The following ACVR2B variants were observed in gnomAD, a reference collection of about 807,000 sequenced individuals.
The protein encoded by ACVR2B is activin A receptor type 2B.
Under a neutral mutation model 65.1 loss-of-function variants are expected in ACVR2B, and 18 were observed. The ratio of observed to expected loss-of-function variants is 0.28; its 90% CI spans 0.19 to 0.41. ACVR2B has a LOEUF of 0.41. ACVR2B is among the 10% of genes least tolerant of loss of function. The pLI is 1.00. For missense variants in ACVR2B, 482 were observed against 682.7 expected, an observed-to-expected ratio of 0.71 and a Z score of 3.28; for synonymous variants, 298 against 277.7, an observed-to-expected ratio of 1.07 and a Z score of -0.73.
At position 38,485,509 on chromosome 3, in the gene ACVR2B, G is replaced by A. The variant is rs1710102849; in HGVS notation, c.*2177G>A. 2 of 152,088 alleles carry A rather than the reference G, an allele frequency of 1.3e-5. No homozygotes were observed. The highest frequency in any genetic ancestry group is 1.3e-4 in the Admixed American group (2 of 15,264). 9.4% of individuals were successfully genotyped at this position (152,088 alleles called of 1,614,324 possible). A position where few individuals can be genotyped will look rare whatever the true frequency, so the allele number is the denominator to read the frequency against. Reference sequence around the variant, plus strand: ...CTAGTGTGCTATGTTCAGTGTCTGGGGCTTACTGCCCCGGGGTCCTTTCCT... The same window carrying A: ...CTAGTGTGCTATGTTCAGTGTCTGGAGCTTACTGCCCCGGGGTCCTTTCCT... On this transcript the variant is annotated 3_prime_UTR_variant, in exon 11 of 11. Coordinates refer to ENST00000352511, the MANE Select transcript of ACVR2B (RefSeq NM_001106.4).
Position 38,487,570 on chromosome 3 carries a change from G to T in ACVR2B, c.*4238G>T, listed in dbSNP as rs961880390. 1 of 152,294 alleles carries T rather than the reference G, an allele frequency of 6.6e-6. No homozygotes were observed. The highest frequency in any genetic ancestry group is 1.5e-5 in the Non-Finnish European group (1 of 68,096). 9.4% of individuals were successfully genotyped at this position (152,294 alleles called of 1,614,324 possible). A position where few individuals can be genotyped will look rare whatever the true frequency, so the allele number is the denominator to read the frequency against. On this transcript the variant is annotated 3_prime_UTR_variant, in exon 11 of 11. Coordinates refer to ENST00000352511, the MANE Select transcript of ACVR2B (RefSeq NM_001106.4). ...ATTGAATGTCCTTCATGTGTTGTGT[G>T]TGGCTCAGAAAGCCTGTCACTTGGC...
intron 1 of ACVR2B, among the ~76,000 whole-genome samples, chr3:38,470,164 G>A (rs1030417742): frequency 2.6e-5 from 4 of 152,102 alleles, no homozygotes; most frequent in African/African-American, 9.7e-5. Flanking sequence ...AGAATTTGGA[G>A]ATGCAATATT....
Position 38,477,428 on chromosome 3 carries a change from A to G in ACVR2B, c.194A>G (p.Asn65Ser), listed in dbSNP as rs758919898. The G allele has an allele frequency of 6.2e-7, 1 of 1,614,182 alleles. No homozygotes were observed. The highest frequency in any genetic ancestry group is 8.5e-7 in the Non-Finnish European group (1 of 1,180,014). ...KRLHCYASWR[N>S]SSGTIELVKK... ...CTGCACTGCTACGCCTCCTGGCGCA[A>G]CAGCTCTGGCACCATCGAGCTCGTG... is the stretch of plus-strand genomic sequence containing the variant. The change falls in exon 2 of 11, where the codon AAC becomes AGC. Residue 65 changes from asparagine (N) to serine (S), a missense_variant. Physicochemically the swap from Asn to Ser is conservative, Grantham distance 46. Coordinates refer to ENST00000352511, the MANE Select transcript of ACVR2B (RefSeq NM_001106.4). The surrounding 1 kb of genome is among the most constrained non-coding windows in gnomAD (Gnocchi z 6.7).
chr3:38,461,303 A>G (rs1437036468), intron 1 of ACVR2B, among the ~76,000 whole-genome samples: 2 of 152,038 alleles, frequency 1.3e-5, no homozygotes, highest in Non-Finnish European at 2.9e-5. Flanking sequence ...TATTTTATGC[A>G]CTTTTTGGGA....
At position 38,483,164 on chromosome 3, in the gene ACVR2B, C is replaced by T. The variant is rs370692737; in HGVS notation, c.1371C>T (p.Ile457=). The part of the protein sequence containing the change: ...HPGLAQLCVT[I]EECWDHDAEA... ...GCCTGGCCCAGCTTTGTGTGACCAT[C>T]GAGGAGTGCTGGGACCATGATGCAG... Residue 457 remains isoleucine (I), a synonymous_variant, in exon 11 of 11, where the codon ATC becomes ATT. Transcript: ENST00000352511. This position sits in a 1 kb window ranked among gnomAD's most constrained non-coding sequence, Gnocchi z 4.8. 32 of 1,614,040 alleles carry T rather than the reference C, an allele frequency of 2.0e-5. No individual in the cohort carries two copies. Among genetic ancestry groups the T allele is most frequent in the Middle Eastern group, 1.6e-4 (1 of 6,084 alleles).
At position 38,481,152 on chromosome 3, in the gene ACVR2B, T is replaced by C. The variant is rs902822910; in HGVS notation, c.960-199T>C. On this transcript the variant is annotated intron_variant, in intron 7 of 10. Transcript: ENST00000352511. This position sits in a 1 kb window ranked among gnomAD's most constrained non-coding sequence, Gnocchi z 4.7. ...CCAACCCTGGGGGAAGCCTTCCATC[T>C]GAAGTGCACTGAGGGATTCTCACAC... Among the ~76,000 whole-genome samples, 25 of 152,158 alleles carry C rather than the reference T, an allele frequency of 1.6e-4. No individual in the cohort carries two copies. The highest frequency in any genetic ancestry group is 5.8e-4 in the African/African-American group (24 of 41,444).
chr3:38,453,958 TCCCCCCGTTCATGGCC>T lies in ACVR2B; in HGVS notation c.-362_-347del, dbSNP rs1709494139. On this transcript the variant is annotated 5_prime_UTR_variant, in exon 1 of 11. The change abolishes an upstream ATG in the 5' untranslated region. Transcript: ENST00000352511. ...GTTCAGCTCCCCTCCCCCCCACCCCTCCCCCCGTTCATGGCCCCTCCGGACTCGGCCCCTGCGCCCG... is the reference window on the plus strand; with the variant it reads ...GTTCAGCTCCCCTCCCCCCCACCCCTCCTCCGGACTCGGCCCCTGCGCCCG... 1 of 41,826 alleles carries T rather than the reference TCCCCCCGTTCATGGCC, an allele frequency of 2.4e-5. No homozygotes were observed. Among genetic ancestry groups the T allele is most frequent in the African/African-American group, 9.1e-5 (1 of 11,028 alleles). 2.6% of individuals were successfully genotyped at this position (41,826 alleles called of 1,614,324 possible).
At chr3:38,459,792 C>T (rs1001011402) in intron 1 of ACVR2B, 28 of 492,332 alleles carry the variant, frequency 5.7e-5, no homozygotes, top group African/African-American at 5.4e-4. Context: ...GGCAGCGCTG[C>T]CTTAGACAGG....
chr3:38,458,156 ACTCT>A (rs1709581883), intron 1 of ACVR2B, among the ~76,000 whole-genome samples: 1 of 151,284 alleles, frequency 6.6e-6, no homozygotes, highest in African/African-American at 2.4e-5. Flanking sequence ...ACTGTGTACT[ACTCT>A]GTGGGTCTTT....
Position 38,480,454 on chromosome 3 carries a change from A to C in ACVR2B, c.959+628A>C, listed in dbSNP as rs372666995. On this transcript the variant is annotated intron_variant, in intron 7 of 10. Coordinates refer to ENST00000352511, the MANE Select transcript of ACVR2B (RefSeq NM_001106.4). ...AGTATCAATTCATTTGACCTTCATT[A>C]CCGCCCATTGAGACAAGTACTGTAT... Among the ~76,000 whole-genome samples the C allele has an allele frequency of 1.6e-4, 25 of 152,276 alleles. No homozygotes were observed. In the East Asian group the frequency reaches 3.1e-3, roughly 19 times the overall value.
chr3:38,482,218 G>A lies in ACVR2B; in HGVS notation c.1095G>A (p.Met365Ile). The A allele has an allele frequency of 6.2e-7, 1 of 1,613,710 alleles. No homozygotes were observed. ...CATAGGTAGGCACGAGACGGTACAT[G>A]GCTCCTGAGGTGCTCGAGGGAGCCA... is the stretch of plus-strand genomic sequence containing the variant. ...THGQVGTRRY[M>I]APEVLEGAIN... The change falls in exon 9 of 11, where the codon ATG (methionine) becomes ATA (isoleucine). Residue 365 changes from methionine (M) to isoleucine (I), a missense_variant. Met to Ile is a conservative substitution (Grantham distance 10, BLOSUM62 1). This residue lies in a region of ACVR2B where 223 missense variants were observed against 386.3 expected (regional missense o/e 0.58). Transcript: ENST00000352511.
At chr3:38,459,457 C>G (rs905109915) in intron 1 of ACVR2B, 1 of 295,064 alleles carries the variant, frequency 3.4e-6, no homozygotes, top group Non-Finnish European at 5.0e-6. Context: ...CAGGAAGTGC[C>G]TGTTGCTGGG....
At chr3:38,471,813 A>AT (rs1313778973) in intron 1 of ACVR2B, among the ~76,000 whole-genome samples, 1 of 152,180 alleles carries the variant, frequency 6.6e-6, no homozygotes, top group East Asian at 1.9e-4. Flanking sequence ...TATCGTGAGG[A>AT]TTAAATAAGT....
At position 38,490,705 on chromosome 3, in the gene ACVR2B, T is replaced by A. The variant is rs1710195869; in HGVS notation, c.*7373T>A. The stretch of plus-strand genomic sequence containing the variant: ...GAACCAGTTACCTCAGACCTCATGT[T>A]GAACAGTGTCGCCATCTGGGTCCTC... On this transcript the variant is annotated 3_prime_UTR_variant, in exon 11 of 11. Coordinates refer to ENST00000352511, the MANE Select transcript of ACVR2B (RefSeq NM_001106.4). 1 of 152,662 alleles carries A rather than the reference T, an allele frequency of 6.6e-6. No homozygotes were observed. The highest frequency in any genetic ancestry group is 1.5e-5 in the Non-Finnish European group (1 of 68,042). 9.5% of individuals were successfully genotyped at this position (152,662 alleles called of 1,614,324 possible).
rs1710122233 is a variant in ACVR2B at position 38,486,424 on chromosome 3, TGTC to T, written c.*3093_*3095del. ...GGGCCTTTTGCCCCGGGTAAATGCT[TGTC>T]TGTTTGCTGTCATGTGTTCTTTGAG... On this transcript the variant is annotated 3_prime_UTR_variant, in exon 11 of 11. Coordinates refer to ENST00000352511, the MANE Select transcript of ACVR2B (RefSeq NM_001106.4). 4 of 152,280 alleles carry T rather than the reference TGTC, an allele frequency of 2.6e-5. No homozygotes were observed. Among genetic ancestry groups the T allele is most frequent in the Admixed American group, 6.5e-5 (1 of 15,288 alleles). 9.4% of individuals were successfully genotyped at this position (152,280 alleles called of 1,614,324 possible). A position where few individuals can be genotyped will look rare whatever the true frequency, so the allele number is the denominator to read the frequency against.
At chr3:38,470,376 A>G (rs928987362) in intron 1 of ACVR2B, among the ~76,000 whole-genome samples, 1 of 152,248 alleles carries the variant, frequency 6.6e-6, no homozygotes, top group Admixed American at 6.5e-5. Context: ...CTTTTCAGCA[A>G]CAGTAGTGGA....
rs542605652 is a variant in ACVR2B at position 38,487,649 on chromosome 3, G to A, written c.*4317G>A. 1.3e-5 allele frequency: 2 copies of A among 152,344 alleles called. No individual in the cohort carries two copies. The highest frequency in any genetic ancestry group is 3.9e-4 in the East Asian group (2 of 5,180). The allele number at this position is 152,344 out of a possible 1,614,324, so 9.4% of individuals were successfully genotyped here. ...AGGTGGCTGTTCCATTAAAGTGGGAGTATTGGATGGCCCTCTTGAAACTAG... is the reference window on the plus strand; with the variant it reads ...AGGTGGCTGTTCCATTAAAGTGGGAATATTGGATGGCCCTCTTGAAACTAG... On this transcript the variant is annotated 3_prime_UTR_variant, in exon 11 of 11. Coordinates refer to ENST00000352511, the MANE Select transcript of ACVR2B (RefSeq NM_001106.4).
At chr3:38,467,303 T>C (rs4679052) in intron 1 of ACVR2B, among the ~76,000 whole-genome samples, 73,728 of 151,928 alleles carry the variant, frequency 0.49, 19,979 homozygotes, top group Non-Finnish European at 0.61. Flanking sequence ...CAAAATTAGC[T>C]AGGCATGGTG....
intron 10 of ACVR2B, among the ~76,000 whole-genome samples, 192 bp from the exon 11 acceptor site, chr3:38,482,946 T>A (rs988063087): frequency 1.3e-5 from 2 of 152,208 alleles, no homozygotes; most frequent in Non-Finnish European, 2.9e-5. Flanking sequence ...CTCAGAAAGA[T>A]GACTGCCATG....
Sources: allele counts gnomAD v4.1 joint callset (sites outside exome capture counted in the v4.1 genomes callset), GRCh38; gene constraint gnomAD v4.1.1; regional missense constraint gnomAD v4.1.1; non-coding constraint Gnocchi (gnomAD v3.1); transcripts MANE v1.5; gene names NCBI Gene and HGNC (gene_info 2026-07-23, HGNC 2026-07-21).